The following ABCB5 variants were observed in gnomAD, a reference collection of about 807,000 sequenced individuals.
The protein encoded by ABCB5 is ATP-binding cassette sub-family B member 5.
Under a neutral mutation model 144.2 loss-of-function variants are expected in ABCB5, and 155 were observed. That is an observed-to-expected ratio of 1.08 (90% CI 0.94 to 1.23). The LOEUF (loss-of-function observed/expected upper bound fraction) is 1.23, where lower values mean the gene tolerates loss of function less well. ABCB5 is among the 50% of genes most tolerant of loss of function. The pLI, the probability that ABCB5 is intolerant of heterozygous loss-of-function variation, is 0.00. For missense variants in ABCB5, 1,830 were observed against 1,520.8 expected (o/e 1.20, Z -3.38); for synonymous variants, 610 against 528.6 (o/e 1.15, Z -2.11).
chr7:20,751,115 C>G (rs1414755161), intron 26 of ABCB5, among the ~76,000 whole-genome samples: 4 of 152,162 alleles, frequency 2.6e-5, no homozygotes, highest in Admixed American at 6.5e-5. Context: ...ACACAACTGA[C>G]TTTTAGCTCC....
rs1438749135 is a variant in ABCB5, at chr7:20,705,300, A to G, written c.2421+493A>G. ...GAATTGTGTAATCATGACCAGTAAT[A>G]TGCATAACCAAGATATTTGTATATA... On this transcript the variant is annotated intron_variant, in intron 20 of 27. Transcript: ENST00000404938. Among the ~76,000 whole-genome samples, 6 of 152,354 alleles carry G rather than the reference A, an allele frequency of 3.9e-5. No individual in the cohort carries two copies. The East Asian group carries it at 1.2e-3, about 29-fold the overall frequency.
At chr7:20,688,316 G>C (rs1786071297) in intron 16 of ABCB5, among the ~76,000 whole-genome samples, 1 of 152,186 alleles carries the variant, frequency 6.6e-6, no homozygotes, top group Admixed American at 6.5e-5. Flanking sequence ...TCTGGGTCCA[G>C]TCAGGAGATA....
At chr7:20,617,809 A>G (rs750229837) in intron 1 of ABCB5, among the ~76,000 whole-genome samples, 51 of 152,248 alleles carry the variant, frequency 3.3e-4, no homozygotes, top group Non-Finnish European at 6.5e-4. Context: ...GAGAGCTGGA[A>G]TGGTTATAGT....
intron 23 of ABCB5, among the ~76,000 whole-genome samples, chr7:20,733,355 A>G (rs914042609): frequency 1.1e-4 from 16 of 152,118 alleles, no homozygotes; most frequent in African/African-American, 2.4e-4. Context: ...GTGCTATTTT[A>G]TAGCCCTAAA....
At chr7:20,735,659 G>A (rs1782358804) in intron 23 of ABCB5, among the ~76,000 whole-genome samples, 1 of 152,186 alleles carries the variant, frequency 6.6e-6, no homozygotes, top group African/African-American at 2.4e-5. Context: ...AAGGACAGTT[G>A]ATATCTAGGG....
chr7:20,739,289 C>T (rs1199979226), intron 24 of ABCB5, 150 bp downstream of exon 24: 2 of 685,336 alleles, frequency 2.9e-6, no homozygotes, highest in Non-Finnish European at 4.3e-6. Flanking sequence ...ATCATTCATA[C>T]CCCAAACATC....
intron 1 of ABCB5, 121 bp from the exon 2 acceptor site, chr7:20,623,144 C>T (rs532928569): frequency 1.7e-5 from 11 of 654,720 alleles, no homozygotes; most frequent in South Asian, 6.1e-5. Context: ...CTGGGCAGGG[C>T]GAAATTCTGA....
intron 19 of ABCB5, among the ~76,000 whole-genome samples, chr7:20,704,040 G>T (rs547037728): frequency 7.5e-6 from 1 of 132,962 alleles, no homozygotes; most frequent in East Asian, 2.6e-4. Context: ...AGAAAGTTTT[G>T]AAGATATTTC....
chr7:20,721,984 T>C (rs1293340315), intron 20 of ABCB5, among the ~76,000 whole-genome samples: 1 of 152,246 alleles, frequency 6.6e-6, no homozygotes, highest in Non-Finnish European at 1.5e-5. Context: ...TGCATGTATG[T>C]AAAACTGGTA....
intron 5 of ABCB5, among the ~76,000 whole-genome samples, chr7:20,637,887 T>A (rs1784201381): frequency 6.6e-6 from 1 of 152,170 alleles, no homozygotes; most frequent in South Asian, 2.1e-4. Context: ...ATTAAATCAA[T>A]CTTAATATGG....
chr7:20,747,374 G>A (rs954039165), intron 26 of ABCB5, among the ~76,000 whole-genome samples: 6 of 152,138 alleles, frequency 3.9e-5, no homozygotes, highest in Non-Finnish European at 7.4e-5. Flanking sequence ...AGGCTCACCT[G>A]AGTCTCCCGA....
In ABCB5 at chr7:20,746,103, T is replaced by C. The variant is rs371292014; in HGVS notation, c.3429+665T>C. ...GCTTTTGGCATAGTAGCGCCTTAAC[T>C]TTCTTTTTTTTTTTTGACAGAGTTT... On this transcript the variant is annotated intron_variant, in intron 26 of 27. Coordinates refer to ENST00000404938, the MANE Select transcript of ABCB5 (RefSeq NM_001163941.2). Among the ~76,000 whole-genome samples the C allele has an allele frequency of 1.2e-4, 18 of 149,718 alleles. No homozygotes were observed. The East Asian group carries it at 1.9e-3, about 16-fold the overall frequency.
At position 20,724,967 on chromosome 7, in the gene ABCB5, C is replaced by T. The variant is rs192774344; in HGVS notation, c.2625+1748C>T. On this transcript the variant is annotated intron_variant, in intron 21 of 27. Coordinates refer to ENST00000404938, the MANE Select transcript of ABCB5 (RefSeq NM_001163941.2). ...AGACAGTAAACAGTTGTTTAGACCTCCTTGTCTAATTTAAACATTGCAATA... is the reference window on the plus strand; with the variant it reads ...AGACAGTAAACAGTTGTTTAGACCTTCTTGTCTAATTTAAACATTGCAATA... 2.1e-3 allele frequency among the ~76,000 whole-genome samples: 316 copies of T among 152,200 alleles called. 3 individuals carry two copies. The highest frequency in any genetic ancestry group is 7.3e-3 in the African/African-American group (305 of 41,528).
At chr7:20,728,236 CTATT>C in intron 22 of ABCB5, 75 bp from the exon 23 acceptor site, 1 of 1,428,908 alleles carries the variant, frequency 7.0e-7, no homozygotes, top group Non-Finnish European at 9.4e-7. Flanking sequence ...AAAGTCCTCT[CTATT>C]TATTACTCTA....
intron 13 of ABCB5, among the ~76,000 whole-genome samples, chr7:20,656,912 CTTTTTT>C (rs749816471): frequency 3.4e-5 from 2 of 58,580 alleles, no homozygotes; most frequent in Admixed American, 1.7e-4. Flanking sequence ...TTTCCTTTTT[CTTTTTT>C]TTTTTTTTTT....
intron 16 of ABCB5, among the ~76,000 whole-genome samples, chr7:20,696,090 A>G (rs1322498604): frequency 1.3e-5 from 2 of 152,114 alleles, no homozygotes; most frequent in Admixed American, 6.6e-5. Flanking sequence ...ATGAAAGTAT[A>G]TGTCCACACA....
chr7:20,644,207 C>G (rs1374591288), intron 7 of ABCB5, among the ~76,000 whole-genome samples: 1 of 151,938 alleles, frequency 6.6e-6, no homozygotes, highest in Non-Finnish European at 1.5e-5. Flanking sequence ...CATCTCAGAT[C>G]CCAAGTAGCT....
At chr7:20,641,983 A>T (rs1430810962) in intron 5 of ABCB5, 1 of 152,094 alleles carries the variant, frequency 6.6e-6, no homozygotes, top group Non-Finnish European at 1.5e-5. Flanking sequence ...GCTTCTTTTC[A>T]TGTAGGCCGC....
chr7:20,740,586 C>CT (rs925035648), intron 24 of ABCB5, among the ~76,000 whole-genome samples: 2 of 151,742 alleles, frequency 1.3e-5, no homozygotes, highest in African/African-American at 4.8e-5. Context: ...ATGTAAGAAG[C>CT]TTTTTTTTAA....
Sources: allele counts gnomAD v4.1 joint callset (sites outside exome capture counted in the v4.1 genomes callset), GRCh38; gene constraint gnomAD v4.1.1; transcripts MANE v1.5; gene names NCBI Gene and HGNC (gene_info 2026-07-23, HGNC 2026-07-21).